Variants in CHD4 observed in about 807,000 individuals in gnomAD.
The protein encoded by CHD4 is chromodomain helicase DNA binding protein 4.
Under a neutral mutation model 235.5 loss-of-function variants are expected in CHD4, and 35 were observed. That is an observed-to-expected ratio of 0.15 (90% CI 0.11 to 0.20). The LOEUF is 0.20. Ranked by LOEUF, CHD4 falls within the 10% of genes least tolerant of loss-of-function variation. The pLI is 1.00. For synonymous variants in CHD4, 900 were observed against 850.2 expected (o/e 1.06, Z -1.02); for missense variants, 1,329 against 2,432.3 (o/e 0.55, Z 9.54).
At chr12:6,592,664 T>G (rs1565611924) in intron 18 of CHD4, 32 bp downstream of exon 18, 1 of 1,605,460 alleles carries the variant, frequency 6.2e-7, no homozygotes, top group South Asian at 1.1e-5. Flanking sequence ...GAGGCACAAT[T>G]ATGAGCCGAT....
At chr12:6,601,194 C>T (rs12818623) in intron 6 of CHD4, 95 bp downstream of exon 6, 2 of 1,556,358 alleles carry the variant, frequency 1.3e-6, no homozygotes, top group Non-Finnish European at 1.7e-6. Flanking sequence ...CCTCCTATCT[C>T]CTACCTTAGG....
Position 6,594,299 on chromosome 12 carries a change from A to G in CHD4, c.2313+160T>C, listed in dbSNP as rs567741400. Among the ~76,000 whole-genome samples the G allele has an allele frequency of 3.3e-5, 5 of 152,136 alleles. No individual in the cohort carries two copies. The East Asian group carries it at 7.7e-4, about 23-fold the overall frequency. On this transcript the variant is annotated intron_variant, in intron 15 of 39. Coordinates refer to ENST00000544040, the MANE Select transcript of CHD4 (RefSeq NM_001273.5). ...TTATCCACTATCACATTTATCTACTATCTACTAAACACATGTGTACATGTG... is the reference window on the plus strand; with the variant it reads ...TTATCCACTATCACATTTATCTACTGTCTACTAAACACATGTGTACATGTG...
rs202019064 is a variant in CHD4, at chr12:6,570,887, G to T, written c.5703C>A (p.Pro1901=). 5 of 1,614,046 alleles carry T rather than the reference G, an allele frequency of 3.1e-6. No individual in the cohort carries two copies. The highest frequency in any genetic ancestry group is 4.2e-6 in the Non-Finnish European group (5 of 1,180,026). Reference sequence around the variant, plus strand: ...GTCCTACCTGCTGTGGGGTAGGTTCGGGTGCCCGGTTTGCCAGGCGGCTGA... The same window carrying T: ...GTCCTACCTGCTGTGGGGTAGGTTCTGGTGCCCGGTTTGCCAGGCGGCTGA... The part of the protein sequence containing the change: ...NILSRLANRA[P]EPTPQQVAQQ... The change falls in exon 39 of 40, where the codon CCC becomes CCA. Residue 1901 remains proline, a synonymous_variant. Transcript: ENST00000544040.
intron 26 of CHD4, 39 bp downstream of exon 26, chr12:6,583,159 A>T: frequency 1.9e-6 from 2 of 1,079,416 alleles, no homozygotes; most frequent in Non-Finnish European, 2.6e-6. Flanking sequence ...GCTCTAGTGG[A>T]ACGGCCCATG....
At chr12:6,577,670 C>CCTT in intron 37 of CHD4, 115 bp downstream of exon 37, 1 of 1,398,640 alleles carries the variant, frequency 7.1e-7, no homozygotes, top group Non-Finnish European at 9.8e-7. Flanking sequence ...CAAAGCCTTC[C>CCTT]ATAGAATGAA....
In CHD4 at chr12:6,578,448, G is replaced by T; in HGVS notation, c.5080C>A (p.Gln1694Lys). ...NDEKQKKNIK[Q>K]RFMFNIADGG... is the part of the protein sequence containing the mutation. ...TCTGCAATGTTAAACATGAAACGTT[G>T]TTTAATATTTTTCTTCTGTTTCTCA... The change falls in exon 35 of 40, where the codon CAA becomes AAA. Residue 1694 changes from glutamine to lysine, a missense_variant. By Grantham distance (53) the Gln-to-Lys change is moderately conservative (BLOSUM62 1). This residue lies in a region of CHD4 where 219 missense variants were observed against 219.3 expected (regional missense o/e 1.00). Coordinates refer to ENST00000544040, the MANE Select transcript of CHD4 (RefSeq NM_001273.5). 1.2e-6 allele frequency: 2 copies of T among 1,614,046 alleles called. No homozygotes were observed. Among genetic ancestry groups the T allele is most frequent in the Non-Finnish European group, 1.7e-6 (2 of 1,180,006 alleles).
chr12:6,581,952 G>A (rs1948200847), intron 30 of CHD4, 138 bp from the exon 31 acceptor site: 5 of 1,164,956 alleles, frequency 4.3e-6, no homozygotes, highest in Middle Eastern at 3.0e-4. Flanking sequence ...ACAGGTGCCC[G>A]CCACCACGTG....
Position 6,588,339 on chromosome 12 carries a change from T to C in CHD4, c.3424A>G (p.Ile1142Val). ...GGGTTCCAGTCAGAGTCATAGATAA[T>C]AACTGTGTCAGCAGTGGCCAGATTG... ...GINLATADTV[I>V]IYDSDWNPHN... is the part of the protein sequence containing the mutation. Residue 1142 changes from isoleucine to valine, a missense_variant, in exon 23 of 40, where the codon ATT becomes GTT. Transcript: ENST00000544040. The C allele has an allele frequency of 6.2e-7, 1 of 1,614,146 alleles. No individual in the cohort carries two copies. Among genetic ancestry groups the C allele is most frequent in the South Asian group, 1.1e-5 (1 of 91,076 alleles).
rs765356530 is a variant in CHD4, at chr12:6,598,285, C to T, written c.1623G>A (p.Arg541=). Residue 541 remains arginine (R), a synonymous_variant, in exon 11 of 40, where the codon CGG becomes CGA. Coordinates refer to ENST00000544040, the MANE Select transcript of CHD4 (RefSeq NM_001273.5). ...TGCCTTGCCATTTCACAAAGAACTG[C>T]CGCTCTGGCCGCCCCTCCAAGGGCT... The part of the protein sequence containing the change: ...SPKPLEGRPE[R]QFFVKWQGMS... 2 of 1,613,942 alleles carry T rather than the reference C, an allele frequency of 1.2e-6. No homozygotes were observed. The highest frequency in any genetic ancestry group is 1.7e-6 in the Non-Finnish European group (2 of 1,179,966).
intron 35 of CHD4, 92 bp downstream of exon 35, chr12:6,578,317 A>T: frequency 6.7e-7 from 1 of 1,491,070 alleles, no homozygotes; most frequent in Non-Finnish European, 9.2e-7. Context: ...AAACAGAGGT[A>T]AAGAGGTAAA....
In CHD4 at chr12:6,581,308, G is replaced by A. The variant is rs765295381; in HGVS notation, c.4762C>T (p.Pro1588Ser). Reference protein sequence around the residue: ...EGEKEVKSTAPETAIECTQAP... With the variant: ...EGEKEVKSTASETAIECTQAP... ...TCTCTTACCTCAATGGCAGTCTCAGGGGCTGTAGATTTAACCTCCTTTTCT... is the reference window on the plus strand; with the variant it reads ...TCTCTTACCTCAATGGCAGTCTCAGAGGCTGTAGATTTAACCTCCTTTTCT... The change falls in exon 32 of 40, where the codon CCT (proline) becomes TCT (serine). Residue 1588 changes from proline (P) to serine (S), a missense_variant. By Grantham distance (74) the Pro-to-Ser change is moderately conservative. Transcript: ENST00000544040. The A allele has an allele frequency of 5.0e-6, 8 of 1,613,994 alleles. No homozygotes were observed. The African/African-American group carries it at 1.1e-4, about 22-fold the overall frequency.
At chr12:6,580,055 C>CAAA (rs766330469) in intron 33 of CHD4, among the ~76,000 whole-genome samples, 8 of 69,014 alleles carry the variant, frequency 1.2e-4, no homozygotes, top group South Asian at 4.7e-4. Flanking sequence ...GACTCCGTCT[C>CAAA]AAAAAAAAAA....
Position 6,578,886 on chromosome 12 carries a change from C to T in CHD4, c.4941G>A (p.Lys1647=), listed in dbSNP as rs1948120016. 1.2e-6 allele frequency: 2 copies of T among 1,614,096 alleles called. No homozygotes were observed. The highest frequency in any genetic ancestry group is 1.1e-5 in the South Asian group (1 of 91,088). The change falls in exon 34 of 40, where the codon AAG becomes AAA. Residue 1647 remains lysine (K), a synonymous_variant. Transcript: ENST00000544040. ...CAATAGGGGTCAGATCTATTGCTGA[C>T]TTTTCCTCCACCTTCTCTACATCAG... The part of the protein sequence containing the change: ...GAADVEKVEE[K]SAIDLTPIVV...
rs1243473404 is a variant in CHD4, at chr12:6,570,499, G to A, written c.*177C>T. ...CTGCTGCATGTCTCTTCTGCAGGAA[G>A]GGCACCACTGCCCCTCACTCCCTCC... On this transcript the variant is annotated 3_prime_UTR_variant, in exon 40 of 40. Coordinates refer to ENST00000544040, the MANE Select transcript of CHD4 (RefSeq NM_001273.5). 4.3e-5 allele frequency: 30 copies of A among 702,760 alleles called. No individual in the cohort carries two copies. The East Asian group carries it at 7.6e-4, about 18-fold the overall frequency. 43.5% of individuals were successfully genotyped at this position (702,760 alleles called of 1,614,324 possible). A position where few individuals can be genotyped will look rare whatever the true frequency, so the allele number is the denominator to read the frequency against.
chr12:6,604,834 G>A (rs755147515), intron 2 of CHD4, among the ~76,000 whole-genome samples: 6 of 152,236 alleles, frequency 3.9e-5, no homozygotes, highest in South Asian at 4.1e-4. Flanking sequence ...CGCAGCTCCC[G>A]GTCAACATGA....
intron 10 of CHD4, among the ~76,000 whole-genome samples, chr12:6,599,415 G>A (rs186193144): frequency 2.0e-5 from 3 of 152,014 alleles, no homozygotes; most frequent in South Asian, 2.1e-4. Flanking sequence ...ACTCTAGCCC[G>A]GATGACAGAA....
chr12:6,592,792 G>A lies in CHD4; in HGVS notation c.2678C>T (p.Ser893Leu). 2 of 1,613,374 alleles carry A rather than the reference G, an allele frequency of 1.2e-6. No individual in the cohort carries two copies. Among genetic ancestry groups the A allele is most frequent in the South Asian group, 1.1e-5 (1 of 90,994 alleles). The change falls in exon 18 of 40, where the codon TCA becomes TTA. Residue 893 changes from serine (S) to leucine (L), a missense_variant. By Grantham distance (145) the Ser-to-Leu change is moderately radical. Around this residue, in one of 26 missense-constraint regions of CHD4, gnomAD observed 78 missense variants for 174.8 expected, o/e 0.45. Coordinates refer to ENST00000544040, the MANE Select transcript of CHD4 (RefSeq NM_001273.5). Reference protein sequence around the residue: ...SKFFRVLNGYSLQHKLLLTGT... With the variant: ...SKFFRVLNGYLLQHKLLLTGT... Reference sequence around the variant, plus strand: ...AGTCAGCAACAGCTTGTGCTGGAGTGAGTAACCATTCAATACCCGGAAGAA... The same window carrying A: ...AGTCAGCAACAGCTTGTGCTGGAGTAAGTAACCATTCAATACCCGGAAGAA...
At chr12:6,601,138 C>T (rs1948582535) in intron 6 of CHD4, 85 bp from the exon 7 acceptor site, 34 of 1,524,654 alleles carry the variant, frequency 2.2e-5, no homozygotes, top group Non-Finnish European at 3.0e-5. Context: ...TGCTTCCCCA[C>T]ATTCAGATTC....
intron 25 of CHD4, 26 bp from the exon 26 acceptor site, chr12:6,583,404 C>T (rs1415421772): frequency 6.3e-7 from 1 of 1,582,632 alleles, no homozygotes; most frequent in Non-Finnish European, 8.6e-7. Context: ...GGCCAGGACT[C>T]AGGAGTGCTG....
Sources: allele counts gnomAD v4.1 joint callset (sites outside exome capture counted in the v4.1 genomes callset), GRCh38; gene constraint gnomAD v4.1.1; regional missense constraint gnomAD v4.1.1; transcripts MANE v1.5; gene names NCBI Gene and HGNC (gene_info 2026-07-23, HGNC 2026-07-21).